KCNIP4: variants seen among roughly 807,000 people sequenced by gnomAD.
The protein encoded by KCNIP4 is Kv channel-interacting protein 4.
In KCNIP4, 12 loss-of-function variants were observed where a neutral mutation model predicts 34.0. That is an observed-to-expected ratio of 0.35 (90% CI 0.23 to 0.57). KCNIP4 has a LOEUF of 0.57. Ranked by LOEUF, KCNIP4 falls within the 20% of genes least tolerant of loss-of-function variation. The probability of loss-of-function intolerance (pLI) is 0.83; values close to 1 mark genes in which losing one functional copy is unlikely to be tolerated. For synonymous variants in KCNIP4, 124 were observed against 102.2 expected (o/e 1.21, Z -1.29); for missense variants, 238 against 311.7 (o/e 0.76, Z 1.78).
In KCNIP4 at chr4:21,200,324, GTGTA is replaced by G. The variant is rs1560803273; in HGVS notation, c.62-317619_62-317616del. 1.6e-4 allele frequency among the ~76,000 whole-genome samples: 10 copies of G among 60,966 alleles called. 1 individual carries two copies. The highest frequency in any genetic ancestry group is 8.9e-4 in the African/African-American group (10 of 11,232). The allele number at this position is 60,966 out of a possible 152,430, so 40.0% of individuals were successfully genotyped here. A position where few individuals can be genotyped will look rare whatever the true frequency, so the allele number is the denominator to read the frequency against. On this transcript the variant is annotated intron_variant, in intron 1 of 8. Coordinates refer to ENST00000382152, the MANE Select transcript of KCNIP4 (RefSeq NM_025221.6). Reference sequence around the variant, plus strand: ...TGTATATATATACATACATATATGTGTGTATATATATATACATACATATATGTGT... The same window carrying G: ...TGTATATATATACATACATATATGTGTATATATATACATACATATATGTGT...
At chr4:21,740,658 T>G (rs916523981) in intron 1 of KCNIP4, among the ~76,000 whole-genome samples, 2 of 152,154 alleles carry the variant, frequency 1.3e-5, no homozygotes, top group Non-Finnish European at 2.9e-5. Flanking sequence ...GGAAATAACT[T>G]TGCTAAGTTT....
intron 1 of KCNIP4, among the ~76,000 whole-genome samples, chr4:21,922,746 A>T (rs1453607863): frequency 2.6e-5 from 4 of 152,200 alleles, no homozygotes; most frequent in Non-Finnish European, 5.9e-5. Context: ...TGAAACAAAA[A>T]TCAGTAATGA....
chr4:21,799,464 T>G (rs1463700341), intron 1 of KCNIP4, among the ~76,000 whole-genome samples: 2 of 152,192 alleles, frequency 1.3e-5, no homozygotes, highest in Non-Finnish European at 2.9e-5. Flanking sequence ...ACATTAATAT[T>G]GGTCAAAAGC....
chr4:21,841,046 T>G (rs1723646982), intron 1 of KCNIP4, among the ~76,000 whole-genome samples: 1 of 152,238 alleles, frequency 6.6e-6, no homozygotes, highest in Non-Finnish European at 1.5e-5. Flanking sequence ...TATAAATTGC[T>G]TTTTATATGT....
At chr4:21,066,291 A>G (rs1744374439) in intron 1 of KCNIP4, among the ~76,000 whole-genome samples, 1 of 152,116 alleles carries the variant, frequency 6.6e-6, no homozygotes, top group Admixed American at 6.5e-5. Context: ...TAATTCTCAG[A>G]AGAAGGCCAA....
rs143149545 is a variant in KCNIP4 at position 21,803,334 on chromosome 4, C to A, written c.61+145237G>T. 3.2e-3 allele frequency among the ~76,000 whole-genome samples: 489 copies of A among 152,264 alleles called. 2 individuals are homozygous for A. Among genetic ancestry groups the A allele is most frequent in the Middle Eastern group, 0.01 (3 of 294 alleles). On this transcript the variant is annotated intron_variant, in intron 1 of 8. Coordinates refer to ENST00000382152, the MANE Select transcript of KCNIP4 (RefSeq NM_025221.6). ...TCCATTCTTACTTCCTCTGTTGTCA[C>A]CCAAGCTTTTATCACTTCTCATCTA...
At chr4:21,159,072 C>T (rs184714381) in intron 1 of KCNIP4, among the ~76,000 whole-genome samples, 18 of 152,148 alleles carry the variant, frequency 1.2e-4, no homozygotes, top group South Asian at 2.1e-4. Flanking sequence ...AAACTCACAG[C>T]GGGCATTGTT....
intron 1 of KCNIP4, among the ~76,000 whole-genome samples, chr4:21,446,004 C>A (rs945331103): frequency 3.3e-5 from 5 of 152,128 alleles, no homozygotes; most frequent in African/African-American, 9.7e-5. Context: ...ATTTATGCAG[C>A]CAACAGACAC....
intron 1 of KCNIP4, among the ~76,000 whole-genome samples, chr4:21,533,065 T>C (rs1736832325): frequency 6.6e-6 from 1 of 151,544 alleles, no homozygotes; most frequent in Non-Finnish European, 1.5e-5. Context: ...CCAACAATAA[T>C]ATTGTCCCAA....
intron 1 of KCNIP4, among the ~76,000 whole-genome samples, chr4:21,698,805 C>G (rs1341061251): frequency 6.6e-6 from 1 of 152,102 alleles, no homozygotes; most frequent in African/African-American, 2.4e-5. Context: ...CCCAACAGTA[C>G]TACATAAGAA....
At chr4:20,872,823 T>C (rs772758576) in intron 2 of KCNIP4, among the ~76,000 whole-genome samples, 2 of 152,098 alleles carry the variant, frequency 1.3e-5, no homozygotes, top group Non-Finnish European at 2.9e-5. Flanking sequence ...ATCACATAGG[T>C]AACCTGAAAA....
At chr4:21,166,974 G>A (rs1007523543) in intron 1 of KCNIP4, among the ~76,000 whole-genome samples, 10 of 146,346 alleles carry the variant, frequency 6.8e-5, no homozygotes, top group Non-Finnish European at 3.0e-5. Flanking sequence ...AGAAGTGAGT[G>A]GATGGATGGA....
intron 1 of KCNIP4, among the ~76,000 whole-genome samples, chr4:20,924,029 A>AT (rs1729664057): frequency 6.6e-6 from 1 of 152,002 alleles, no homozygotes; most frequent in African/African-American, 2.4e-5. Flanking sequence ...CATATGATTT[A>AT]TTTTTTTCTC....
At chr4:20,889,926 A>T (rs916537633) in intron 1 of KCNIP4, among the ~76,000 whole-genome samples, 2 of 152,158 alleles carry the variant, frequency 1.3e-5, no homozygotes, top group African/African-American at 4.8e-5. Context: ...TATTTGTCCA[A>T]AAAGCATTCT....
chr4:20,848,212 TG>T (rs1720603590), intron 3 of KCNIP4, among the ~76,000 whole-genome samples: 1 of 151,984 alleles, frequency 6.6e-6, no homozygotes, highest in Non-Finnish European at 1.5e-5. Flanking sequence ...TATTCAGGTC[TG>T]ATGGAAATTT....
At chr4:21,187,257 T>A (rs1755303601) in intron 1 of KCNIP4, among the ~76,000 whole-genome samples, 1 of 152,196 alleles carries the variant, frequency 6.6e-6, no homozygotes, top group South Asian at 2.1e-4. Flanking sequence ...TTTATATGTA[T>A]ACTTAGGTTT....
At chr4:21,629,882 G>A (rs1296948559) in intron 1 of KCNIP4, among the ~76,000 whole-genome samples, 2 of 119,250 alleles carry the variant, frequency 1.7e-5, no homozygotes, top group African/African-American at 3.3e-5. Context: ...ACAGGGTCTT[G>A]CTCTGTCATC....
At chr4:21,091,677 G>T (rs911423820) in intron 1 of KCNIP4, among the ~76,000 whole-genome samples, 6 of 152,104 alleles carry the variant, frequency 3.9e-5, no homozygotes, top group Admixed American at 2.0e-4. Context: ...CAAAATCTGT[G>T]CCAGCATGGT....
At chr4:21,444,803 G>T (rs1330377871) in intron 1 of KCNIP4, among the ~76,000 whole-genome samples, 1 of 152,128 alleles carries the variant, frequency 6.6e-6, no homozygotes, top group Non-Finnish European at 1.5e-5. Flanking sequence ...AGGAAATAAA[G>T]GACATTCAAT....
Sources: allele counts gnomAD v4.1 joint callset (sites outside exome capture counted in the v4.1 genomes callset), GRCh38; gene constraint gnomAD v4.1.1; transcripts MANE v1.5; gene names NCBI Gene and HGNC (gene_info 2026-07-23, HGNC 2026-07-21).